The following ANKRD28 variants were observed in gnomAD, a reference collection of about 807,000 sequenced individuals.
ANKRD28 encodes the protein ankyrin repeat domain 28.
In ANKRD28, 44 loss-of-function variants were observed where a neutral mutation model predicts 126.5. The observed-to-expected ratio is 0.35, with a 90% CI of 0.27 to 0.45. The LOEUF (loss-of-function observed/expected upper bound fraction) is 0.45. Ranked by LOEUF, ANKRD28 falls within the 20% of genes least tolerant of loss-of-function variation. ANKRD28 has a pLI of 1.00. For missense variants in ANKRD28, 1,110 were observed against 1,316.6 expected (o/e 0.84, Z 2.43); for synonymous variants, 442 against 468.5 (o/e 0.94, Z 0.73).
intron 4 of ANKRD28, among the ~76,000 whole-genome samples, chr3:15,744,148 T>C (rs9839223): frequency 0.096 from 14,612 of 152,176 alleles, 2,140 homozygotes; most frequent in African/African-American, 0.31. Flanking sequence ...CACTAATGAC[T>C]AGGTTTTCTA....
intron 1 of ANKRD28, among the ~76,000 whole-genome samples, chr3:15,825,540 A>T (rs1175307358): frequency 1.3e-5 from 2 of 152,066 alleles, no homozygotes; most frequent in Non-Finnish European, 2.9e-5. Context: ...TGGAAAAAAA[A>T]TTTGCAAATT....
chr3:15,695,268 T>A, intron 15 of ANKRD28, 54 bp from the exon 16 acceptor site: 1 of 1,317,960 alleles, frequency 7.6e-7, no homozygotes, highest in Non-Finnish European at 1.1e-6. Context: ...TCATCTATAT[T>A]AAGTCTCAAC....
chr3:15,688,764 G>A (rs2068441882), intron 18 of ANKRD28, among the ~76,000 whole-genome samples: 1 of 152,204 alleles, frequency 6.6e-6, no homozygotes, highest in Admixed American at 6.5e-5. Context: ...TGGGTAGCAA[G>A]TCATTTAACT....
At chr3:15,759,174 A>G (rs2058326679) in intron 3 of ANKRD28, among the ~76,000 whole-genome samples, 1 of 152,202 alleles carries the variant, frequency 6.6e-6, no homozygotes. Flanking sequence ...TGGTGGGAAG[A>G]AAAAAGGAAG....
intron 1 of ANKRD28, among the ~76,000 whole-genome samples, chr3:15,809,375 T>C (rs1327814470): frequency 6.6e-6 from 1 of 152,146 alleles, no homozygotes; most frequent in East Asian, 1.9e-4. Context: ...ACAGATCCTT[T>C]CCTTTAAGGA....
At chr3:15,795,040 T>TA (rs970200409) in intron 2 of ANKRD28, among the ~76,000 whole-genome samples, 183 bp downstream of exon 2, 2 of 152,148 alleles carry the variant, frequency 1.3e-5, no homozygotes, top group African/African-American at 4.8e-5. Flanking sequence ...AAAAGACCCC[T>TA]ACTGGCTGCT....
chr3:15,787,400 C>A (rs1159417262), intron 2 of ANKRD28, among the ~76,000 whole-genome samples: 1 of 152,090 alleles, frequency 6.6e-6, no homozygotes, highest in Non-Finnish European at 1.5e-5. Flanking sequence ...AAATTTGAAA[C>A]TGGAATCTAG....
chr3:15,782,914 A>G (rs1174463631), intron 2 of ANKRD28, among the ~76,000 whole-genome samples: 2 of 152,142 alleles, frequency 1.3e-5, no homozygotes, highest in Non-Finnish European at 2.9e-5. Flanking sequence ...GTTAGCTGGC[A>G]TAAAGCCTCT....
In ANKRD28 at chr3:15,816,260, C is replaced by A. The variant is rs1023786510; in HGVS notation, c.28-20954G>T. 2.0e-5 allele frequency among the ~76,000 whole-genome samples: 3 copies of A among 152,144 alleles called. No homozygotes were observed. Among genetic ancestry groups the A allele is most frequent in the Admixed American group, 1.3e-4 (2 of 15,268 alleles). On this transcript the variant is annotated intron_variant, in intron 1 of 27. Transcript: ENST00000399451. The surrounding 1 kb of genome is among the most constrained non-coding windows in gnomAD (Gnocchi z 5.0). ...CTTTAACCAAATCCACCTAGCCTAG[C>A]CTCCTACCTCCACAAATATTTACTC...
chr3:15,801,929 C>T (rs769562275), upstream of ANKRD28, among the ~76,000 whole-genome samples: 2 of 152,158 alleles, frequency 1.3e-5, no homozygotes, highest in African/African-American at 2.4e-5. The surrounding 1 kb of genome is among the most constrained non-coding windows in gnomAD (Gnocchi z 4.9). Flanking sequence ...CCCACTGGTA[C>T]GTTACATTCG....
intron 14 of ANKRD28, among the ~76,000 whole-genome samples, chr3:15,703,327 G>A: frequency 6.6e-6 from 1 of 152,196 alleles, no homozygotes; most frequent in East Asian, 1.9e-4. Context: ...TCCTAAGAGT[G>A]TTGCTATGGT....
chr3:15,758,053 G>C (rs2058261318), intron 3 of ANKRD28, among the ~76,000 whole-genome samples: 1 of 152,190 alleles, frequency 6.6e-6, no homozygotes, highest in African/African-American at 2.4e-5. Flanking sequence ...TCTAGGCTAA[G>C]AACTTGATAG....
chr3:15,837,676 C>T (rs2061352506), intron 1 of ANKRD28, among the ~76,000 whole-genome samples: 1 of 151,710 alleles, frequency 6.6e-6, no homozygotes, highest in Non-Finnish European at 1.5e-5. Flanking sequence ...TAGCTGGGCA[C>T]AGTGATGTTA....
In ANKRD28 at chr3:15,839,589, TA is replaced by T. The variant is rs1011300783; in HGVS notation, c.27+19787del. On this transcript the variant is annotated intron_variant, in intron 1 of 27. Transcript: ENST00000399451. This position sits in a 1 kb window ranked among gnomAD's most constrained non-coding sequence, Gnocchi z 4.3. The stretch of plus-strand genomic sequence containing the variant: ...ATACATGAACCAGACAAAGACACAT[TA>T]AAAAAAAAGAAAACGATAGGCCAAT... Among the ~76,000 whole-genome samples the T allele has an allele frequency of 3.3e-5, 5 of 150,016 alleles. No homozygotes were observed. Among genetic ancestry groups the T allele is most frequent in the African/African-American group, 7.4e-5 (3 of 40,768 alleles).
intron 2 of ANKRD28, among the ~76,000 whole-genome samples, chr3:15,771,528 CAAGAGA>C (rs2059007969): frequency 6.6e-6 from 1 of 151,802 alleles, no homozygotes; most frequent in South Asian, 2.1e-4. Context: ...AGAGAGTGAT[CAAGAGA>C]GAGAAGAGGG....
rs756344410 is a variant in ANKRD28 at position 15,766,247 on chromosome 3, A to C, written c.267T>G (p.Leu89=). The change falls in exon 3 of 28, where the codon CTT becomes CTG. Residue 89 remains leucine (L), a synonymous_variant. Transcript: ENST00000683139. ...AGGTTACCATACCAGATAAAATAAG[A>C]AGTTCAATGATTTCTGCATCTCCAA... ...AYLGDAEIIE[L]LILSGARVNA... is the part of the protein sequence containing the mutation. 1.7e-5 allele frequency: 27 copies of C among 1,610,650 alleles called. No individual in the cohort carries two copies. The highest frequency in any genetic ancestry group is 5.0e-5 in the Admixed American group (3 of 60,004).
intron 4 of ANKRD28, among the ~76,000 whole-genome samples, chr3:15,749,008 T>G (rs1235738052): frequency 6.6e-6 from 1 of 152,110 alleles, no homozygotes; most frequent in Non-Finnish European, 1.5e-5. Flanking sequence ...GCATTTTGCA[T>G]GTCTCTAAGT....
At chr3:15,743,135 G>A (rs1486563162) in intron 4 of ANKRD28, among the ~76,000 whole-genome samples, 1 of 151,972 alleles carries the variant, frequency 6.6e-6, no homozygotes, top group Non-Finnish European at 1.5e-5. Context: ...ATGGATTAAG[G>A]GTGGTGCAAG....
intron 7 of ANKRD28, among the ~76,000 whole-genome samples, chr3:15,722,671 T>A (rs1369366389): frequency 2.6e-5 from 4 of 152,194 alleles, no homozygotes; most frequent in African/African-American, 9.7e-5. Flanking sequence ...ATAATGCAGC[T>A]TTAATTAACA....
Sources: gnomAD v4.1 joint callset for allele counts (sites outside exome capture counted in the v4.1 genomes callset) on GRCh38, gnomAD v4.1.1 for gene constraint, Gnocchi (gnomAD v3.1) non-coding constraint, MANE v1.5 for transcripts, NCBI Gene and HGNC (gene_info 2026-07-23, HGNC 2026-07-21) for gene names.